The following PROKR1 variants were observed in gnomAD, a reference collection of about 807,000 sequenced individuals.
PROKR1 encodes prokineticin receptor 1, also known as G protein-coupled receptor 73.
A neutral mutation model predicts 22.8 loss-of-function variants in PROKR1; 21 were observed. That is an observed-to-expected ratio of 0.92 (90% CI 0.65 to 1.32). The LOEUF (loss-of-function observed/expected upper bound fraction) is 1.32, where lower values mean the gene tolerates loss of function less well. Among genes scored for constraint, PROKR1 ranks in the 40% most tolerant of loss-of-function variants. The pLI, the probability that PROKR1 is intolerant of heterozygous loss-of-function variation, is 0.00. For missense variants in PROKR1, 548 were observed against 514.2 expected (o/e 1.07, Z -0.64); for synonymous variants, 193 against 207.5 (o/e 0.93, Z 0.60).
chr2:68,645,538 C>A (rs1171772983), intron 1 of PROKR1, 124 bp from the exon 2 acceptor site: 2 of 513,686 alleles, frequency 3.9e-6, no homozygotes, highest in Admixed American at 6.5e-5. Flanking sequence ...TCCTTTATTT[C>A]CACTCCATCA....
intron 2 of PROKR1, among the ~76,000 whole-genome samples, chr2:68,651,712 C>T (rs1016615619): frequency 6.6e-6 from 1 of 152,208 alleles, no homozygotes; most frequent in Admixed American, 6.5e-5. Context: ...CCACTGTTAC[C>T]ATGATTTGAT....
chr2:68,652,014 G>A (rs886832579), intron 2 of PROKR1, among the ~76,000 whole-genome samples: 1 of 152,206 alleles, frequency 6.6e-6, no homozygotes, highest in African/African-American at 2.4e-5. Flanking sequence ...GAGAAGGGCT[G>A]CTGGGATGCC....
At position 68,655,405 on chromosome 2, in the gene PROKR1, C is replaced by G. The variant is rs1188811019; in HGVS notation, c.1011C>G (p.Ile337Met). The G allele has an allele frequency of 6.2e-7, 1 of 1,614,144 alleles. No homozygotes were observed. The highest frequency in any genetic ancestry group is 1.1e-5 in the South Asian group (1 of 91,078). ...GCATCGCCATGAGCAACAGCATGAT[C>G]AACACTCTGTGCTTCGTGACCGTCA... ...VECIAMSNSM[I>M]NTLCFVTVKN... is the part of the protein sequence containing the mutation. Residue 337 changes from isoleucine (I) to methionine (M), a missense_variant, in exon 3 of 3, where the codon ATC becomes ATG. Ile to Met is a conservative substitution (Grantham distance 10). Coordinates refer to ENST00000303786, the MANE Select transcript of PROKR1 (RefSeq NM_138964.4).
intron 2 of PROKR1, among the ~76,000 whole-genome samples, chr2:68,649,882 C>A (rs1215823347): frequency 1.3e-5 from 2 of 152,052 alleles, no homozygotes; most frequent in Non-Finnish European, 2.9e-5. Flanking sequence ...AGAGAGAAGC[C>A]TCCATGTGGC....
In PROKR1 at chr2:68,646,171, C is replaced by T. The variant is rs752055466; in HGVS notation, c.350C>T (p.Pro117Leu). 1.9e-6 allele frequency: 3 copies of T among 1,607,768 alleles called. No homozygotes were observed. Among genetic ancestry groups the T allele is most frequent in the Non-Finnish European group, 2.6e-6 (3 of 1,176,124 alleles). ...TTCCTGGTGGCCATTGTCTGCTGCCCCTTTGAGATGGACTACTATGTGGTG... is the reference window on the plus strand; with the variant it reads ...TTCCTGGTGGCCATTGTCTGCTGCCTCTTTGAGATGGACTACTATGTGGTG... The part of the protein sequence containing the change: ...SDFLVAIVCC[P>L]FEMDYYVVRQ... The change falls in exon 2 of 3, where the codon CCC becomes CTC. Residue 117 changes from proline to leucine, a missense_variant. Coordinates refer to ENST00000303786, the MANE Select transcript of PROKR1 (RefSeq NM_138964.4).
rs752614814 is a variant in PROKR1, at chr2:68,655,268, G to A, written c.874G>A (p.Ala292Thr). 34 of 1,614,104 alleles carry A rather than the reference G, an allele frequency of 2.1e-5. No homozygotes were observed. Among genetic ancestry groups the A allele is most frequent in the South Asian group, 1.3e-4 (12 of 91,082 alleles). Residue 292 changes from alanine (A) to threonine (T), a missense_variant, in exon 3 of 3, where the codon GCC becomes ACC. Ala to Thr is a moderately conservative substitution (Grantham distance 58). Coordinates refer to ENST00000303786, the MANE Select transcript of PROKR1 (RefSeq NM_138964.4). ...CCTGGTGCTCATGTGCATCCTCACC[G>A]CCTACGTGCTATGCTGGGCGCCCTT... ...TVLVLMCILT[A>T]YVLCWAPFYG... is the part of the protein sequence containing the mutation.
chr2:68,651,639 T>C (rs1673333862), intron 2 of PROKR1, among the ~76,000 whole-genome samples: 1 of 152,248 alleles, frequency 6.6e-6, no homozygotes. Flanking sequence ...TCAGGGCCAC[T>C]GGCCTGAGGA....
rs112161696 is a variant in PROKR1 at position 68,645,856 on chromosome 2, C to T, written c.35C>T (p.Ala12Val). 49 of 1,614,214 alleles carry T rather than the reference C, an allele frequency of 3.0e-5. 1 individual carries two copies. The African/African-American group carries it at 4.0e-4, about 13-fold the overall frequency. ...ETTMGFMDDN[A>V]TNTSTSFLSV... The stretch of plus-strand genomic sequence containing the variant: ...ACCATGGGGTTCATGGATGACAATG[C>T]CACCAACACTTCCACCAGCTTCCTT... Residue 12 changes from alanine (A) to valine (V), a missense_variant, in exon 2 of 3, where the codon GCC becomes GTC. Physicochemically the swap from Ala to Val is moderately conservative, Grantham distance 64 (BLOSUM62 0). Coordinates refer to ENST00000303786, the MANE Select transcript of PROKR1 (RefSeq NM_138964.4).
At position 68,657,403 on chromosome 2, in the gene PROKR1, A is replaced by G. The variant is rs1412900035; in HGVS notation, c.*1827A>G. 1 of 152,234 alleles carries G rather than the reference A, an allele frequency of 6.6e-6. No individual in the cohort carries two copies. The highest frequency in any genetic ancestry group is 1.5e-5 in the Non-Finnish European group (1 of 68,044). 9.4% of individuals were successfully genotyped at this position (152,234 alleles called of 1,614,324 possible). On this transcript the variant is annotated 3_prime_UTR_variant, in exon 3 of 3. Transcript: ENST00000303786. The stretch of plus-strand genomic sequence containing the variant: ...CAGTGCTGTATGCATTATGTGCCTA[A>G]TGACATGGTTGTGCAAACAAGGTCA...
intron 2 of PROKR1, among the ~76,000 whole-genome samples, chr2:68,652,132 T>C (rs1673345311): frequency 6.6e-6 from 1 of 152,186 alleles, no homozygotes; most frequent in African/African-American, 2.4e-5. Context: ...GTCTGAGTCA[T>C]TGTTCTGTTG....
chr2:68,651,002 C>G (rs1432014442), intron 2 of PROKR1, among the ~76,000 whole-genome samples: 1 of 152,156 alleles, frequency 6.6e-6, no homozygotes, highest in African/African-American at 2.4e-5. Context: ...CAGTAGAGAT[C>G]AGAAAGAATA....
At chr2:68,653,267 G>T (rs377036683) in intron 2 of PROKR1, among the ~76,000 whole-genome samples, 3 of 152,110 alleles carry the variant, frequency 2.0e-5, no homozygotes, top group East Asian at 3.9e-4. Context: ...GATGGCAGTC[G>T]GCCGGGCGTC....
At position 68,643,666 on chromosome 2, in the gene PROKR1, C is replaced by T. The variant is rs1233924120; in HGVS notation, c.-343C>T. The T allele has an allele frequency of 6.6e-6, 1 of 152,268 alleles. No homozygotes were observed. Among genetic ancestry groups the T allele is most frequent in the African/African-American group, 2.4e-5 (1 of 41,446 alleles). 9.4% of individuals were successfully genotyped at this position (152,268 alleles called of 1,614,324 possible). On this transcript the variant is annotated 5_prime_UTR_variant, in exon 1 of 3. Coordinates refer to ENST00000303786, the MANE Select transcript of PROKR1 (RefSeq NM_138964.4). ...ACAGGGAGTCCGGCGCGGGCCGGGT[C>T]GGGGGATCTGCAGCGGCGGCGCGAA...
chr2:68,653,196 C>T (rs531882083), intron 2 of PROKR1, among the ~76,000 whole-genome samples: 76 of 152,336 alleles, frequency 5.0e-4, no homozygotes, highest in Middle Eastern at 6.8e-3. Flanking sequence ...GCATTGCCAA[C>T]ACCCTGCAGA....
intron 2 of PROKR1, among the ~76,000 whole-genome samples, chr2:68,649,117 T>C (rs766405960): frequency 1.3e-5 from 2 of 152,210 alleles, no homozygotes; most frequent in Non-Finnish European, 2.9e-5. Context: ...TTCATTGAAA[T>C]TATTGTTTTT....
Position 68,645,800 on chromosome 2 carries a change from G to A in PROKR1, c.-22G>A, listed in dbSNP as rs1673160693. On this transcript the variant is annotated 5_prime_UTR_variant, in exon 2 of 3. Transcript: ENST00000303786. ...GCCCTGGGGAATTCTGAGCAGTGTTGCTCACAGCACCACCTGGCCAGATGG... is the reference window on the plus strand; with the variant it reads ...GCCCTGGGGAATTCTGAGCAGTGTTACTCACAGCACCACCTGGCCAGATGG... 1 of 1,614,164 alleles carries A rather than the reference G, an allele frequency of 6.2e-7. No homozygotes were observed. The highest frequency in any genetic ancestry group is 8.5e-7 in the Non-Finnish European group (1 of 1,180,030).
chr2:68,645,374 C>G (rs1558577165), intron 1 of PROKR1, among the ~76,000 whole-genome samples: 1 of 152,210 alleles, frequency 6.6e-6, no homozygotes, highest in African/African-American at 2.4e-5. Context: ...TCTTCAGCCT[C>G]CCCACACTCC....
At chr2:68,646,856 T>G (rs1276941849) in intron 2 of PROKR1, among the ~76,000 whole-genome samples, 1 of 152,136 alleles carries the variant, frequency 6.6e-6, no homozygotes, top group African/African-American at 2.4e-5. Context: ...GAGACCAGCA[T>G]GGGCAACATA....
rs372842241 is a variant in PROKR1, at chr2:68,646,082, G to C, written c.261G>C (p.Leu87=). 3.7e-5 allele frequency: 60 copies of C among 1,614,086 alleles called. No homozygotes were observed. In the Middle Eastern group the frequency reaches 4.9e-4, roughly 13 times the overall value. Residue 87 remains leucine (L), a synonymous_variant, in exon 2 of 3, where the codon CTG becomes CTC. Coordinates refer to ENST00000303786, the MANE Select transcript of PROKR1 (RefSeq NM_138964.4). ...GIGNFIFIAA[L]VRYKKLRNLT... ...GAAACTTCATCTTTATCGCTGCCCT[G>C]GTCCGCTACAAGAAACTGCGCAACC...
Sources: allele counts gnomAD v4.1 joint callset (sites outside exome capture counted in the v4.1 genomes callset), GRCh38; gene constraint gnomAD v4.1.1; transcripts MANE v1.5; gene names NCBI Gene and HGNC (gene_info 2026-07-23, HGNC 2026-07-21).